Variants in ATP8B1 observed in about 807,000 individuals in gnomAD.
ATP8B1 encodes phospholipid-transporting ATPase IC.
Under a neutral mutation model 149.9 loss-of-function variants are expected in ATP8B1, and 80 were observed. The ratio of observed to expected loss-of-function variants is 0.53; its 90% CI spans 0.45 to 0.64. ATP8B1 has a LOEUF of 0.64. ATP8B1 is among the 30% of genes least tolerant of loss of function. The pLI is 0.00. For synonymous variants in ATP8B1, 536 were observed against 562.8 expected (o/e 0.95, Z 0.67); for missense variants, 1,247 against 1,552.6 (o/e 0.80, Z 3.31).
chr18:57,659,054 CTGAT>C (rs1186216363), intron 22 of ATP8B1, among the ~76,000 whole-genome samples: 4 of 152,038 alleles, frequency 2.6e-5, no homozygotes, highest in Non-Finnish European at 5.9e-5. Flanking sequence ...GGCAGGCAGA[CTGAT>C]TGAGCCCAGG....
At chr18:57,775,268 A>C (rs545045218) in intron 1 of ATP8B1, among the ~76,000 whole-genome samples, 58 of 152,076 alleles carry the variant, frequency 3.8e-4, no homozygotes, top group Non-Finnish European at 6.6e-4. Flanking sequence ...GTGAGCAATG[A>C]TCATGTCATT....
intron 4 of ATP8B1, among the ~76,000 whole-genome samples, chr18:57,703,495 A>C (rs1011373804): frequency 6.6e-6 from 1 of 151,632 alleles, no homozygotes; most frequent in Non-Finnish European, 1.5e-5. Context: ...GCTTGAACCC[A>C]AGAGAAGGAG....
At chr18:57,773,434 G>T (rs540135118) in intron 1 of ATP8B1, among the ~76,000 whole-genome samples, 44 of 152,236 alleles carry the variant, frequency 2.9e-4, no homozygotes, top group Non-Finnish European at 2.9e-5. Flanking sequence ...CGGGCAGGGG[G>T]TCTGGGAGGA....
intron 2 of ATP8B1, among the ~76,000 whole-genome samples, chr18:57,712,025 A>C (rs998222070): frequency 6.7e-6 from 1 of 150,168 alleles, no homozygotes; most frequent in Non-Finnish European, 1.5e-5. Flanking sequence ...AATGTTTGTG[A>C]TTCCTCTCCT....
At chr18:57,661,713 A>ATATTTT (rs1376167519) in intron 21 of ATP8B1, among the ~76,000 whole-genome samples, 7 of 92,670 alleles carry the variant, frequency 7.6e-5, no homozygotes, top group Non-Finnish European at 1.2e-4. Context: ...ATATATATAT[A>ATATTTT]TTTTTTTTTT....
chr18:57,690,198 G>A lies in ATP8B1; in HGVS notation c.1220+1609C>T, dbSNP rs1350315819. 2.6e-5 allele frequency among the ~76,000 whole-genome samples: 4 copies of A among 152,194 alleles called. No individual in the cohort carries two copies. In the East Asian group the frequency reaches 7.7e-4, roughly 29 times the overall value. ...GAAAGGGGAGCAGATAGATACCTAT[G>A]TAAGGAATGCCCCTGGCAGAGAAAA... On this transcript the variant is annotated intron_variant, in intron 12 of 27. Transcript: ENST00000648908.
At chr18:57,795,311 G>A (rs998583528) in intron 1 of ATP8B1, among the ~76,000 whole-genome samples, 4 of 152,012 alleles carry the variant, frequency 2.6e-5, no homozygotes, top group Admixed American at 1.3e-4. Context: ...GCTGAAGCGG[G>A]AGGATGGCTT....
chr18:57,709,996 T>C (rs1913612167), intron 2 of ATP8B1, among the ~76,000 whole-genome samples: 3 of 142,312 alleles, frequency 2.1e-5, no homozygotes, highest in African/African-American at 8.0e-5. Context: ...TCTTTTCTTT[T>C]CTTTTTTTTT....
intron 1 of ATP8B1, among the ~76,000 whole-genome samples, chr18:57,778,412 AAT>A: frequency 6.6e-6 from 1 of 151,218 alleles, no homozygotes; most frequent in Non-Finnish European, 1.5e-5. Flanking sequence ...TTTTTTTTTT[AAT>A]AGAGACGGGG....
chr18:57,758,802 T>C (rs1211819801), intron 1 of ATP8B1, among the ~76,000 whole-genome samples: 1 of 152,204 alleles, frequency 6.6e-6, no homozygotes, highest in African/African-American at 2.4e-5. Flanking sequence ...GGCAACTGTT[T>C]GCAAGTAGAG....
intron 2 of ATP8B1, among the ~76,000 whole-genome samples, chr18:57,707,787 G>A (rs550522965): frequency 1.3e-3 from 198 of 151,708 alleles, no homozygotes; most frequent in African/African-American, 4.3e-3. Context: ...GATTACAGGC[G>A]TGAGCCACTG....
intron 1 of ATP8B1, among the ~76,000 whole-genome samples, chr18:57,792,157 CA>C (rs1261908209): frequency 6.6e-6 from 1 of 152,206 alleles, no homozygotes; most frequent in Non-Finnish European, 1.5e-5. Flanking sequence ...CCTTTTATAA[CA>C]TGTCAGTCTA....
intron 1 of ATP8B1, among the ~76,000 whole-genome samples, chr18:57,781,906 G>A (rs538002029): frequency 6.6e-6 from 1 of 152,366 alleles, no homozygotes; most frequent in South Asian, 2.1e-4. Context: ...GATGGCCTGA[G>A]TCCAGAAGTT....
intron 1 of ATP8B1, among the ~76,000 whole-genome samples, chr18:57,795,934 T>C (rs977269538): frequency 1.3e-5 from 2 of 151,960 alleles, no homozygotes; most frequent in African/African-American, 4.8e-5. Context: ...TTTGGGAGGC[T>C]AAGGTGGGCA....
chr18:57,756,125 A>T (rs1599198320), intron 1 of ATP8B1, among the ~76,000 whole-genome samples: 1 of 149,352 alleles, frequency 6.7e-6, no homozygotes, highest in Non-Finnish European at 1.5e-5. Context: ...CCTCTAGCAC[A>T]GGATCCAGTC....
At chr18:57,759,733 G>A (rs980767261) in intron 1 of ATP8B1, among the ~76,000 whole-genome samples, 1 of 151,916 alleles carries the variant, frequency 6.6e-6, no homozygotes, top group Non-Finnish European at 1.5e-5. Flanking sequence ...GCAGGAGAAC[G>A]GCATGAACCC....
At chr18:57,722,337 T>C (rs1334794768) in intron 2 of ATP8B1, among the ~76,000 whole-genome samples, 2 of 148,710 alleles carry the variant, frequency 1.3e-5, no homozygotes, top group Non-Finnish European at 3.0e-5. Context: ...TCAACAAAAT[T>C]GATAGACCGC....
chr18:57,676,929 T>C (rs1164278958), intron 15 of ATP8B1, among the ~76,000 whole-genome samples: 3 of 152,174 alleles, frequency 2.0e-5, no homozygotes, highest in Non-Finnish European at 4.4e-5. Context: ...GGAGGATCAC[T>C]TGAGCCCAGG....
intron 23 of ATP8B1, 59 bp from the exon 24 acceptor site, chr18:57,654,134 G>C (rs570865642): frequency 1.3e-5 from 18 of 1,372,924 alleles, no homozygotes. Context: ...AGCCTAGTTA[G>C]CACATACTCA....
Sources: gnomAD v4.1 joint callset for allele counts (sites outside exome capture counted in the v4.1 genomes callset) on GRCh38, gnomAD v4.1.1 for gene constraint, MANE v1.5 for transcripts, NCBI Gene and HGNC (gene_info 2026-07-23, HGNC 2026-07-21) for gene names.